GBF1: variants seen among roughly 807,000 people sequenced by gnomAD.
GBF1 encodes the protein Golgi-specific brefeldin A-resistance guanine nucleotide exchange factor 1.
In GBF1, 114 loss-of-function variants were observed where a neutral mutation model predicts 210.5. The observed-to-expected ratio is 0.54, with a 90% CI of 0.47 to 0.63. The LOEUF (loss-of-function observed/expected upper bound fraction) is 0.63, where lower values mean the gene tolerates loss of function less well. Ranked by LOEUF, GBF1 falls within the 30% of genes least tolerant of loss-of-function variation. The probability of loss-of-function intolerance (pLI) is 0.00; values close to 1 mark genes in which losing one functional copy is unlikely to be tolerated. For missense variants in GBF1, 1,851 were observed against 2,357.7 expected, an observed-to-expected ratio of 0.79 and a Z score of 4.45; for synonymous variants, 850 against 889.2, an observed-to-expected ratio of 0.96 and a Z score of 0.78.
intron 3 of GBF1, among the ~76,000 whole-genome samples, chr10:102,278,575 T>G (rs182274863): frequency 3.9e-5 from 6 of 152,394 alleles, no homozygotes; most frequent in Admixed American, 3.9e-4. Context: ...CAATGTGTAA[T>G]GATTGTATTT....
At chr10:102,235,371 C>A in the GBF1 span, among the ~76,000 whole-genome samples, 1 of 151,960 alleles carries the variant, frequency 6.6e-6, no homozygotes, top group South Asian at 2.1e-4. Flanking sequence ...GTGCCCAGGC[C>A]CCTCTCAGGA....
chr10:102,329,938 CT>C (rs891259198), intron 3 of GBF1, among the ~76,000 whole-genome samples: 3 of 151,962 alleles, frequency 2.0e-5, no homozygotes, highest in East Asian at 2.0e-4. Flanking sequence ...GCAAGACCCC[CT>C]ATCTACAAAA....
chr10:102,299,431 A>G (rs1336149451), intron 3 of GBF1, among the ~76,000 whole-genome samples: 1 of 152,224 alleles, frequency 6.6e-6, no homozygotes, highest in Non-Finnish European at 1.5e-5. Context: ...GTTAAAACTC[A>G]TAGATAATAC....
At chr10:102,252,359 A>AAAAT (rs560827068) in intron 1 of GBF1, among the ~76,000 whole-genome samples, 35 of 151,662 alleles carry the variant, frequency 2.3e-4, no homozygotes, top group African/African-American at 5.1e-4. Context: ...AAAAAGTGGA[A>AAAAT]AAATAAATAA....
intron 1 of GBF1, among the ~76,000 whole-genome samples, chr10:102,253,352 A>G (rs547014855): frequency 2.6e-5 from 4 of 152,176 alleles, no homozygotes; most frequent in Admixed American, 6.5e-5. Flanking sequence ...ACTATTCTCA[A>G]TTTTTTTGTG....
At chr10:102,231,168 C>T in the GBF1 span, 1 of 1,405,454 alleles carries the variant, frequency 7.1e-7, no homozygotes, top group African/African-American at 1.5e-5. Flanking sequence ...GGCGGGCCAC[C>T]CCGACGGGGC....
intron 3 of GBF1, among the ~76,000 whole-genome samples, chr10:102,266,205 C>T (rs2073859534): frequency 6.6e-6 from 1 of 152,036 alleles, no homozygotes; most frequent in African/African-American, 2.4e-5. Context: ...TGCCACTGCA[C>T]TCCAGCCTGG....
At chr10:102,364,912 C>T (rs2059826564) in intron 17 of GBF1, among the ~76,000 whole-genome samples, 1 of 152,098 alleles carries the variant, frequency 6.6e-6, no homozygotes. Flanking sequence ...GACTTTGGTT[C>T]ATGTGTGCCC....
At chr10:102,323,614 C>T (rs1238210823) in intron 3 of GBF1, among the ~76,000 whole-genome samples, 4 of 148,014 alleles carry the variant, frequency 2.7e-5, no homozygotes, top group South Asian at 4.2e-4. Flanking sequence ...AACGGGACCT[C>T]GCTATATTGC....
chr10:102,314,307 G>T (rs2078744803), intron 3 of GBF1, among the ~76,000 whole-genome samples: 1 of 151,258 alleles, frequency 6.6e-6, no homozygotes, highest in Non-Finnish European at 1.5e-5. Context: ...ACCACACCTG[G>T]CTAATTTTTA....
At chr10:102,308,038 T>C in intron 3 of GBF1, among the ~76,000 whole-genome samples, 1 of 152,124 alleles carries the variant, frequency 6.6e-6, no homozygotes, top group South Asian at 2.1e-4. Flanking sequence ...ACTCAGACTT[T>C]CATACCCTAA....
At chr10:102,348,653 G>C (rs2058738233) in intron 4 of GBF1, among the ~76,000 whole-genome samples, 1 of 152,180 alleles carries the variant, frequency 6.6e-6, no homozygotes, top group South Asian at 2.1e-4. Flanking sequence ...GATAGGAGGA[G>C]CTGGGTCACC....
chr10:102,337,116 C>CGTCTGT (rs1272295868), intron 3 of GBF1, among the ~76,000 whole-genome samples: 1 of 151,394 alleles, frequency 6.6e-6, no homozygotes, highest in East Asian at 1.9e-4. Context: ...AGGTGGCTCA[C>CGTCTGT]GTCTGTAATC....
At chr10:102,287,968 C>T (rs2076103463) in intron 3 of GBF1, among the ~76,000 whole-genome samples, 1 of 152,020 alleles carries the variant, frequency 6.6e-6, no homozygotes, top group African/African-American at 2.4e-5. Context: ...TTTTGTTCTC[C>T]CCAGTCAGCC....
chr10:102,367,278 G>A (rs1016609361), intron 20 of GBF1, 68 bp downstream of exon 20: 3 of 1,537,224 alleles, frequency 2.0e-6, no homozygotes, highest in Non-Finnish European at 2.7e-6. Flanking sequence ...GAAGGACATA[G>A]GATTTCCAGT....
At chr10:102,289,542 T>G (rs2076264225) in intron 3 of GBF1, among the ~76,000 whole-genome samples, 1 of 152,124 alleles carries the variant, frequency 6.6e-6, no homozygotes, top group Non-Finnish European at 1.5e-5. Flanking sequence ...CTGAGCAACA[T>G]AGTGAGACCC....
intron 3 of GBF1, among the ~76,000 whole-genome samples, chr10:102,311,656 C>A (rs549604062): frequency 6.6e-6 from 1 of 152,336 alleles, no homozygotes; most frequent in Non-Finnish European, 1.5e-5. Context: ...TCCAAACCAG[C>A]TTGGCTGTCA....
intron 1 of GBF1, among the ~76,000 whole-genome samples, chr10:102,253,973 C>T (rs2071980128): frequency 6.6e-6 from 1 of 152,136 alleles, no homozygotes; most frequent in Non-Finnish European, 1.5e-5. Flanking sequence ...CTATTCATCT[C>T]TGTTGCCAAT....
intron 3 of GBF1, among the ~76,000 whole-genome samples, chr10:102,295,897 ATATT>A (rs1371570972): frequency 6.6e-6 from 1 of 152,166 alleles, no homozygotes; most frequent in Non-Finnish European, 1.5e-5. Context: ...GTTATTATAC[ATATT>A]TATTTGTTTG....
Sources: allele counts gnomAD v4.1 joint callset (sites outside exome capture counted in the v4.1 genomes callset), GRCh38; gene constraint gnomAD v4.1.1; transcripts MANE v1.5; gene names NCBI Gene and HGNC (gene_info 2026-07-23, HGNC 2026-07-21).